The following GALNTL6 variants were observed in gnomAD, a reference collection of about 807,000 sequenced individuals.
GALNTL6 encodes the protein polypeptide N-acetylgalactosaminyltransferase like 6.
Under a neutral mutation model 73.7 loss-of-function variants are expected in GALNTL6, and 46 were observed. The ratio of observed to expected loss-of-function variants is 0.62; its 90% CI spans 0.49 to 0.80. The LOEUF (loss-of-function observed/expected upper bound fraction) is 0.80. GALNTL6 is among the 30% of genes least tolerant of loss of function. The pLI is 0.00. For synonymous variants in GALNTL6, 259 were observed against 263.7 expected, an observed-to-expected ratio of 0.98 and a Z score of 0.17; for missense variants, 604 against 755.0, an observed-to-expected ratio of 0.80 and a Z score of 2.34.
At chr4:171,936,737 CAT>C (rs775289951) in intron 2 of GALNTL6, among the ~76,000 whole-genome samples, 26 of 152,074 alleles carry the variant, frequency 1.7e-4, no homozygotes, top group Non-Finnish European at 3.1e-4. Context: ...CATAGCAAGA[CAT>C]ATATTTAATT....
At chr4:171,998,672 G>A (rs1365294518) in intron 2 of GALNTL6, among the ~76,000 whole-genome samples, 1 of 152,066 alleles carries the variant, frequency 6.6e-6, no homozygotes, top group African/African-American at 2.4e-5. Context: ...TGAATTATTT[G>A]TAGGTAATGG....
rs1404202049 is a variant in GALNTL6, at chr4:172,339,614, G to T, written c.387-8909G>T. On this transcript the variant is annotated intron_variant, in intron 4 of 12. Transcript: ENST00000506823. ...AAATGGCATCCTGCTTTCAACTCCA[G>T]TCGGGGAAAATGCTGCAACTTTTCC... 3.3e-5 allele frequency among the ~76,000 whole-genome samples: 5 copies of T among 152,274 alleles called. No individual in the cohort carries two copies. The East Asian group carries it at 9.7e-4, about 29-fold the overall frequency.
rs145524264 is a variant in GALNTL6 at position 172,834,681 on chromosome 4, C to A, written c.923+20958C>A. On this transcript the variant is annotated intron_variant, in intron 7 of 12. Transcript: ENST00000506823. ...CCCTTGGAGAGGGCCAATATCTGGG[C>A]ACCTGCCATGACAGAGGAAACCCAA... 1.2e-3 allele frequency among the ~76,000 whole-genome samples: 187 copies of A among 152,308 alleles called. 1 individual carries two copies. Among genetic ancestry groups the A allele is most frequent in the African/African-American group, 3.8e-3 (160 of 41,580 alleles).
chr4:172,567,687 T>A lies in GALNTL6; in HGVS notation c.553+218998T>A, dbSNP rs929568817. Among the ~76,000 whole-genome samples, 6 of 152,064 alleles carry A rather than the reference T, an allele frequency of 3.9e-5. No homozygotes were observed. The South Asian group carries it at 1.2e-3, about 32-fold the overall frequency. Reference sequence around the variant, plus strand: ...CCTGTCTTTATTAAAAATACAAAAATTAACTGGGCATGGTAGCAGGTGCCT... The same window carrying A: ...CCTGTCTTTATTAAAAATACAAAAAATAACTGGGCATGGTAGCAGGTGCCT... On this transcript the variant is annotated intron_variant, in intron 5 of 12. Coordinates refer to ENST00000506823, the MANE Select transcript of GALNTL6 (RefSeq NM_001034845.3).
chr4:172,536,335 T>A lies in GALNTL6; in HGVS notation c.553+187646T>A, dbSNP rs968895089. Among the ~76,000 whole-genome samples, 3 of 152,152 alleles carry A rather than the reference T, an allele frequency of 2.0e-5. No homozygotes were observed. In the South Asian group the frequency reaches 6.2e-4, roughly 32 times the overall value. ...AAGCAACTTTGGAATTAGGTAACAA[T>A]CAGAGGTTGGAACAGTTTGGAGGGC... On this transcript the variant is annotated intron_variant, in intron 5 of 12. Coordinates refer to ENST00000506823, the MANE Select transcript of GALNTL6 (RefSeq NM_001034845.3).
chr4:172,670,514 A>C (rs1046431202), intron 5 of GALNTL6, among the ~76,000 whole-genome samples: 24 of 151,488 alleles, frequency 1.6e-4, no homozygotes, highest in African/African-American at 5.8e-4. Flanking sequence ...TTTTCCTGTA[A>C]ATTTGTTTAA....
chr4:172,771,653 G>A (rs560685135), intron 5 of GALNTL6, among the ~76,000 whole-genome samples: 30 of 152,232 alleles, frequency 2.0e-4, no homozygotes, highest in East Asian at 1.5e-3. Context: ...GGCCATGTTC[G>A]TCAAAGAATG....
chr4:172,891,435 T>A (rs1746024105), intron 8 of GALNTL6, among the ~76,000 whole-genome samples: 1 of 152,218 alleles, frequency 6.6e-6, no homozygotes, highest in African/African-American at 2.4e-5. Flanking sequence ...GGATATAAAA[T>A]TCTTGGTTGG....
At chr4:172,514,626 C>G (rs1734536948) in intron 5 of GALNTL6, among the ~76,000 whole-genome samples, 1 of 152,154 alleles carries the variant, frequency 6.6e-6, no homozygotes, top group African/African-American at 2.4e-5. Context: ...AATTTTCACT[C>G]AGTTGAAATT....
chr4:172,029,743 G>A (rs1220588872), intron 2 of GALNTL6, among the ~76,000 whole-genome samples: 2 of 152,040 alleles, frequency 1.3e-5, no homozygotes, highest in African/African-American at 4.8e-5. Flanking sequence ...AAAGAAAACA[G>A]GAAAAGAAAA....
chr4:172,956,118 G>A (rs934149183), intron 10 of GALNTL6, among the ~76,000 whole-genome samples: 1 of 151,972 alleles, frequency 6.6e-6, no homozygotes, highest in African/African-American at 2.4e-5. Context: ...TTGAAGTGGT[G>A]GGGCGGCAAA....
chr4:172,890,436 C>CT (rs1348686129), intron 8 of GALNTL6, among the ~76,000 whole-genome samples: 1 of 151,792 alleles, frequency 6.6e-6, no homozygotes, highest in Non-Finnish European at 1.5e-5. Context: ...TGTTCTGTTT[C>CT]TGTTTCCATT....
intron 10 of GALNTL6, among the ~76,000 whole-genome samples, chr4:173,004,421 G>A (rs931505979): frequency 3.3e-5 from 5 of 152,182 alleles, no homozygotes; most frequent in African/African-American, 7.2e-5. Flanking sequence ...GAGGTCAGGA[G>A]TTCAAGACCA....
intron 2 of GALNTL6, among the ~76,000 whole-genome samples, chr4:171,844,149 A>T (rs1352085946): frequency 6.6e-6 from 1 of 152,170 alleles, no homozygotes; most frequent in East Asian, 1.9e-4. Flanking sequence ...TTACCTATTA[A>T]ATTCTAAAGG....
intron 5 of GALNTL6, among the ~76,000 whole-genome samples, chr4:172,705,937 G>T (rs1193675065): frequency 1.3e-5 from 2 of 151,924 alleles, no homozygotes; most frequent in Non-Finnish European, 2.9e-5. Context: ...GTTATTATAT[G>T]CCTTGGGGTA....
chr4:172,309,761 T>A (rs1468169592), intron 3 of GALNTL6, among the ~76,000 whole-genome samples: 1 of 151,424 alleles, frequency 6.6e-6, no homozygotes, highest in Non-Finnish European at 1.5e-5. Context: ...ATAGTTCAGT[T>A]TGGTAGCTGA....
intron 2 of GALNTL6, among the ~76,000 whole-genome samples, chr4:172,035,656 A>G (rs12510734): frequency 0.4 from 60,690 of 151,932 alleles, 13,383 homozygotes; most frequent in South Asian, 0.53. Context: ...GAAGGTGTGA[A>G]TTTCCTCATA....
intron 5 of GALNTL6, among the ~76,000 whole-genome samples, chr4:172,747,274 G>A (rs1464100212): frequency 1.3e-5 from 2 of 151,976 alleles, no homozygotes; most frequent in Non-Finnish European, 2.9e-5. Context: ...ATTGGATAAG[G>A]GGTTATTATT....
chr4:173,003,414 A>C (rs534466786), intron 10 of GALNTL6, among the ~76,000 whole-genome samples: 1 of 152,332 alleles, frequency 6.6e-6, no homozygotes, highest in South Asian at 2.1e-4. Flanking sequence ...GTTCATCTGC[A>C]TTCTCCTTCG....
Sources: allele counts gnomAD v4.1 joint callset (sites outside exome capture counted in the v4.1 genomes callset), GRCh38; gene constraint gnomAD v4.1.1; transcripts MANE v1.5; gene names NCBI Gene and HGNC (gene_info 2026-07-23, HGNC 2026-07-21).